C1GALT1: variants seen among roughly 807,000 people sequenced by gnomAD.
C1GALT1 encodes glycoprotein-N-acetylgalactosamine 3-beta-galactosyltransferase 1.
In C1GALT1, 11 loss-of-function variants were observed where a neutral mutation model predicts 31.0. The ratio of observed to expected loss-of-function variants is 0.36; its 90% CI spans 0.22 to 0.59. C1GALT1 has a LOEUF of 0.59. Among genes scored for constraint, C1GALT1 ranks in the 20% least tolerant of loss-of-function variants. The pLI is 0.79. For missense variants in C1GALT1, 424 were observed against 425.2 expected (o/e 1.00, Z 0.03); for synonymous variants, 175 against 143.6 (o/e 1.22, Z -1.56).
intron 1 of C1GALT1, among the ~76,000 whole-genome samples, chr7:7,232,568 G>A (rs1402233877): frequency 6.7e-6 from 1 of 149,502 alleles, no homozygotes; most frequent in Non-Finnish European, 1.5e-5. Context: ...TCTCGGTCCT[G>A]CAGTCCTGCC....
intron 1 of C1GALT1, among the ~76,000 whole-genome samples, chr7:7,205,197 G>A (rs1461199629): frequency 6.6e-6 from 1 of 151,746 alleles, no homozygotes; most frequent in East Asian, 1.9e-4. Context: ...CTGTTATTAG[G>A]TATGTAAGTG....
intron 1 of C1GALT1, among the ~76,000 whole-genome samples, chr7:7,187,388 T>C (rs1780865862): frequency 6.6e-6 from 1 of 152,076 alleles, no homozygotes; most frequent in Non-Finnish European, 1.5e-5. Flanking sequence ...TAGCTGGGAC[T>C]ACAGGCACCT....
intron 2 of C1GALT1, among the ~76,000 whole-genome samples, chr7:7,164,121 A>G: frequency 6.6e-6 from 1 of 152,180 alleles, no homozygotes; most frequent in Non-Finnish European, 1.5e-5. Flanking sequence ...GAACAGAGAT[A>G]TAGATCAATG....
chr7:7,184,346 G>A (rs1357229175), intron 1 of C1GALT1, among the ~76,000 whole-genome samples: 1 of 152,178 alleles, frequency 6.6e-6, no homozygotes, highest in Non-Finnish European at 1.5e-5. Flanking sequence ...TGCCTGGAAT[G>A]TGTATTTTTT....
intron 2 of C1GALT1, among the ~76,000 whole-genome samples, chr7:7,162,245 C>T (rs905890250): frequency 3.5e-5 from 5 of 143,476 alleles, no homozygotes; most frequent in Non-Finnish European, 7.6e-5. Flanking sequence ...AGGTATATCT[C>T]CTAATGCTAT....
chr7:7,235,674 A>T (rs1783303392), intron 2 of C1GALT1, among the ~76,000 whole-genome samples: 1 of 152,132 alleles, frequency 6.6e-6, no homozygotes, highest in Non-Finnish European at 1.5e-5. Context: ...GGGTATGCTA[A>T]AAGTTTGTCT....
At position 7,246,881 on chromosome 7, in the gene C1GALT1, T is replaced by A. The variant is rs1313200529; in HGVS notation, c.*3154T>A. On this transcript the variant is annotated 3_prime_UTR_variant, in exon 4 of 4. Coordinates refer to ENST00000436587, the MANE Select transcript of C1GALT1 (RefSeq NM_020156.5). ...TAGTCCAGGATCACACTATATTAAA[T>A]ATAAAGATAACTTAAAGGATCATTG... The A allele has an allele frequency of 6.6e-6, 1 of 152,194 alleles. No homozygotes were observed. The highest frequency in any genetic ancestry group is 2.4e-5 in the African/African-American group (1 of 41,444). The allele number at this position is 152,194 out of a possible 1,614,324, so 9.4% of individuals were successfully genotyped here.
At chr7:7,215,700 T>C (rs2128240370) in intron 1 of C1GALT1, among the ~76,000 whole-genome samples, 1 of 148,580 alleles carries the variant, frequency 6.7e-6, no homozygotes, top group Middle Eastern at 3.4e-3. Flanking sequence ...TTTTCCCTTT[T>C]GGCGTACTGT....
chr7:7,236,518 ATTTTTAT>A (rs1339064826), intron 2 of C1GALT1, among the ~76,000 whole-genome samples: 1 of 151,882 alleles, frequency 6.6e-6, no homozygotes, highest in Non-Finnish European at 1.5e-5. Flanking sequence ...GGACATGAGA[ATTTTTAT>A]TTTTTATTTT....
rs1415062243 is a variant in C1GALT1 at position 7,246,109 on chromosome 7, A to AT, written c.*2383dup. The AT allele has an allele frequency of 6.6e-6, 1 of 152,228 alleles. No individual in the cohort carries two copies. The highest frequency in any genetic ancestry group is 1.5e-5 in the Non-Finnish European group (1 of 68,040). The allele number at this position is 152,228 out of a possible 1,614,324, so 9.4% of individuals were successfully genotyped here. A position where few individuals can be genotyped will look rare whatever the true frequency, so the allele number is the denominator to read the frequency against. On this transcript the variant is annotated 3_prime_UTR_variant, in exon 4 of 4. Coordinates refer to ENST00000436587, the MANE Select transcript of C1GALT1 (RefSeq NM_020156.5). Reference sequence around the variant, plus strand: ...AGGAAATAAGTAATAGCTAGTATTTATCCAATGCCAACTGTATGCTAGGTA... The same window carrying AT: ...AGGAAATAAGTAATAGCTAGTATTTATTCCAATGCCAACTGTATGCTAGGTA...
chr7:7,189,450 A>G (rs1037725474), intron 1 of C1GALT1, among the ~76,000 whole-genome samples: 1 of 152,290 alleles, frequency 6.6e-6, no homozygotes, highest in Admixed American at 6.5e-5. Flanking sequence ...AAACTTTAAA[A>G]GTTTTGCCAA....
intron 1 of C1GALT1, among the ~76,000 whole-genome samples, chr7:7,233,671 G>A (rs1783197127): frequency 6.6e-6 from 1 of 152,194 alleles, no homozygotes; most frequent in South Asian, 2.1e-4. Context: ...AGTAGCCGCA[G>A]TCAGTATATA....
chr7:7,159,123 A>C (rs1348953576), intron 2 of C1GALT1, among the ~76,000 whole-genome samples: 1 of 152,176 alleles, frequency 6.6e-6, no homozygotes, highest in Non-Finnish European at 1.5e-5. Flanking sequence ...AGGAAAAAAA[A>C]GTCAAGAATC....
intron 1 of C1GALT1, among the ~76,000 whole-genome samples, chr7:7,227,169 TAAATC>T (rs1389548139): frequency 6.6e-6 from 1 of 152,196 alleles, no homozygotes; most frequent in East Asian, 1.9e-4. Flanking sequence ...TAAATTCAAA[TAAATC>T]TAATATGTTA....
intron 2 of C1GALT1, among the ~76,000 whole-genome samples, chr7:7,177,439 C>T (rs983063324): frequency 5.3e-5 from 8 of 152,132 alleles, no homozygotes; most frequent in South Asian, 2.1e-4. Flanking sequence ...CTCAAATAAC[C>T]GGTTATATAT....
chr7:7,171,497 A>C (rs1424710714), intron 2 of C1GALT1, among the ~76,000 whole-genome samples: 2 of 152,076 alleles, frequency 1.3e-5, no homozygotes, highest in Non-Finnish European at 2.9e-5. Flanking sequence ...TTGTGTCGTT[A>C]AATCTAAAGT....
intron 1 of C1GALT1, among the ~76,000 whole-genome samples, chr7:7,206,119 T>C (rs969853219): frequency 3.3e-5 from 5 of 152,210 alleles, no homozygotes; most frequent in Non-Finnish European, 5.9e-5. Flanking sequence ...TCTTTACAAT[T>C]CCATCCCCAC....
chr7:7,213,491 A>C (rs74592123), intron 1 of C1GALT1, among the ~76,000 whole-genome samples: 4 of 152,164 alleles, frequency 2.6e-5, no homozygotes, highest in African/African-American at 9.7e-5. Context: ...GTGACTAAAC[A>C]TGTCAGATGA....
chr7:7,182,778 C>G lies in C1GALT1; in HGVS notation c.-60C>G. On this transcript the variant is annotated 5_prime_UTR_variant, in exon 1 of 4. Transcript: ENST00000436587. Reference sequence around the variant, plus strand: ...CACCAGTCCCAAGTCGTCCCCCTCTCCGCCCCCCAGGAGGGGCGAGAGGGA... The same window carrying G: ...CACCAGTCCCAAGTCGTCCCCCTCTGCGCCCCCCAGGAGGGGCGAGAGGGA... 1.0e-6 allele frequency: 1 copy of G among 985,240 alleles called. No homozygotes were observed. Among genetic ancestry groups the G allele is most frequent in the South Asian group, 4.7e-5 (1 of 21,288 alleles). The allele number at this position is 985,240 out of a possible 1,614,324, so 61.0% of individuals were successfully genotyped here.
Sources: gnomAD v4.1 joint callset for allele counts (sites outside exome capture counted in the v4.1 genomes callset) on GRCh38, gnomAD v4.1.1 for gene constraint, MANE v1.5 for transcripts, NCBI Gene and HGNC (gene_info 2026-07-23, HGNC 2026-07-21) for gene names.